ADAM11: variants seen among roughly 807,000 people sequenced by gnomAD.
The protein encoded by ADAM11 is ADAM metallopeptidase domain 11.
Under a neutral mutation model 119.1 loss-of-function variants are expected in ADAM11, and 49 were observed. That is an observed-to-expected ratio of 0.41 (90% CI 0.33 to 0.52). The LOEUF (loss-of-function observed/expected upper bound fraction) is 0.52, where lower values mean the gene tolerates loss of function less well. Among genes scored for constraint, ADAM11 ranks in the 20% least tolerant of loss-of-function variants. ADAM11 has a pLI of 0.20. For synonymous variants in ADAM11, 364 were observed against 408.0 expected, an observed-to-expected ratio of 0.89 and a Z score of 1.30; for missense variants, 777 against 1,047.5, an observed-to-expected ratio of 0.74 and a Z score of 3.56.
chr17:44,762,369 A>G (rs1293098785), intron 2 of ADAM11, among the ~76,000 whole-genome samples: 1 of 152,186 alleles, frequency 6.6e-6, no homozygotes, highest in East Asian at 1.9e-4. Context: ...GTAAGGAGAT[A>G]TGGCAAACCC....
intron 2 of ADAM11, among the ~76,000 whole-genome samples, chr17:44,768,638 G>A (rs958708462): frequency 3.9e-5 from 6 of 152,188 alleles, no homozygotes; most frequent in African/African-American, 1.2e-4. Context: ...ACCAGGGCCC[G>A]GCACACAAGA....
At chr17:44,767,447 C>T (rs559016671) in intron 2 of ADAM11, among the ~76,000 whole-genome samples, 1 of 152,252 alleles carries the variant, frequency 6.6e-6, no homozygotes, top group East Asian at 1.9e-4. Context: ...GTCCCCTCCC[C>T]ACTCCCCAGG....
At position 44,772,174 on chromosome 17, in the gene ADAM11, T is replaced by C; in HGVS notation, c.544-93T>C. ...TGGCCAGTTCTGGGTCACCCCAGGG[T>C]GGGGTGGAGGCGAGGGCTGGATCTG... On this transcript the variant is annotated intron_variant, in intron 6 of 26. Coordinates refer to ENST00000200557, the MANE Select transcript of ADAM11 (RefSeq NM_002390.6). The surrounding 1 kb of genome is among the most constrained non-coding windows in gnomAD (Gnocchi z 4.5). 8.1e-7 allele frequency: 1 copy of C among 1,227,190 alleles called. No individual in the cohort carries two copies. Among genetic ancestry groups the C allele is most frequent in the Admixed American group, 2.1e-5 (1 of 46,992 alleles). 76.0% of individuals were successfully genotyped at this position (1,227,190 alleles called of 1,614,324 possible).
rs554113785 is a variant in ADAM11, at chr17:44,780,236, G to A, written c.*482G>A. 2.3e-6 allele frequency: 1 copy of A among 442,376 alleles called. No individual in the cohort carries two copies. The highest frequency in any genetic ancestry group is 2.0e-5 in the African/African-American group (1 of 48,966). The allele number at this position is 442,376 out of a possible 1,614,324, so 27.4% of individuals were successfully genotyped here. A position where few individuals can be genotyped will look rare whatever the true frequency, so the allele number is the denominator to read the frequency against. On this transcript the variant is annotated 3_prime_UTR_variant, in exon 27 of 27. Coordinates refer to ENST00000200557, the MANE Select transcript of ADAM11 (RefSeq NM_002390.6). Reference sequence around the variant, plus strand: ...ATGAATGTAAACTCGGGGGTGCTGGGGCCAGGGCAGATGTGGGGATGTTTT... The same window carrying A: ...ATGAATGTAAACTCGGGGGTGCTGGAGCCAGGGCAGATGTGGGGATGTTTT...
Position 44,772,840 on chromosome 17 carries a change from G to GGGGGGGGGGGGGGGGC in ADAM11, c.679-17_679-16insGGGGGGGGGGGGGGGC. ...GACATGGAAGGGACTGATTCCAAGT[G>GGGGGGGGGGGGGGGGC]CCCACCCACCCCCCAGGTCCGCCGG... is the stretch of plus-strand genomic sequence containing the variant. On this transcript the variant is annotated splice_polypyrimidine_tract_variant and intron_variant, in intron 8 of 26. Transcript: ENST00000200557. This position sits in a 1 kb window ranked among gnomAD's most constrained non-coding sequence, Gnocchi z 4.5. The GGGGGGGGGGGGGGGGC allele has an allele frequency of 6.2e-7, 1 of 1,612,434 alleles. No homozygotes were observed. The highest frequency in any genetic ancestry group is 8.5e-7 in the Non-Finnish European group (1 of 1,178,978).
At position 44,769,970 on chromosome 17, in the gene ADAM11, C is replaced by T. The variant is rs756655426; in HGVS notation, c.315-12C>T. On this transcript the variant is annotated splice_polypyrimidine_tract_variant and intron_variant, in intron 3 of 26. Coordinates refer to ENST00000200557, the MANE Select transcript of ADAM11 (RefSeq NM_002390.6). ...CCCGTGACCCCCCTTCCTGCTGCCC[C>T]CTCTGTCTCAGCCACCTCCTCTCCT... 9 of 1,614,054 alleles carry T rather than the reference C, an allele frequency of 5.6e-6. No individual in the cohort carries two copies. In the South Asian group the frequency reaches 7.7e-5, roughly 14 times the overall value.
At chr17:44,763,604 T>C (rs1240834131) in intron 2 of ADAM11, among the ~76,000 whole-genome samples, 2 of 152,150 alleles carry the variant, frequency 1.3e-5, no homozygotes, top group Non-Finnish European at 1.5e-5. Context: ...CCGTGTCCAG[T>C]TGGGCTGGTT....
rs772992339 is a variant in ADAM11 at position 44,777,468 on chromosome 17, A to C, written c.1782-14A>C. ...GTCAAACTTGGGGCTCACTGTCTCT[A>C]TATGCCCCAACAGGGACGTGCTGTG... On this transcript the variant is annotated splice_polypyrimidine_tract_variant and intron_variant, in intron 21 of 26. Transcript: ENST00000200557. The surrounding 1 kb of genome is among the most constrained non-coding windows in gnomAD (Gnocchi z 5.1). 9.9e-6 allele frequency: 16 copies of C among 1,613,096 alleles called. No homozygotes were observed. The highest frequency in any genetic ancestry group is 1.4e-5 in the Non-Finnish European group (16 of 1,179,186).
rs913761154 is a variant in ADAM11, at chr17:44,779,648, A to G, written c.2295-91A>G. On this transcript the variant is annotated intron_variant, in intron 26 of 26. Transcript: ENST00000200557. ...AGCCTGTGACTTGCCGCCTGCCTCC[A>G]GGGCCCAGCACTGAGCTCCGGGGCC... 3.3e-6 allele frequency: 5 copies of G among 1,513,748 alleles called. No individual in the cohort carries two copies. In the Admixed American group the frequency reaches 7.3e-5, roughly 22 times the overall value. The allele number at this position is 1,513,748 out of a possible 1,614,324, so 93.8% of individuals were successfully genotyped here. A position where few individuals can be genotyped will look rare whatever the true frequency, so the allele number is the denominator to read the frequency against.
In ADAM11 at chr17:44,772,215, G is replaced by A; in HGVS notation, c.544-52G>A. 6.5e-7 allele frequency: 1 copy of A among 1,538,880 alleles called. No homozygotes were observed. Among genetic ancestry groups the A allele is most frequent in the East Asian group, 2.3e-5 (1 of 42,772 alleles). On this transcript the variant is annotated intron_variant, in intron 6 of 26. Transcript: ENST00000200557. The surrounding 1 kb of genome is among the most constrained non-coding windows in gnomAD (Gnocchi z 4.5). ...GCTGGATCTGGCCCCCGCCAAGTGG[G>A]CCTGGAGCAGGCCCAGTTGGCACCC...
intron 2 of ADAM11, among the ~76,000 whole-genome samples, chr17:44,761,012 G>A (rs1207027219): frequency 1.9e-5 from 2 of 103,408 alleles, no homozygotes; most frequent in Non-Finnish European, 3.8e-5. Flanking sequence ...ATGGTCCAAG[G>A]CCCGCAGTCA....
In ADAM11 at chr17:44,780,431, C is replaced by G. The variant is rs1030553904; in HGVS notation, c.*677C>G. 1 of 314,940 alleles carries G rather than the reference C, an allele frequency of 3.2e-6. No individual in the cohort carries two copies. The highest frequency in any genetic ancestry group is 2.2e-5 in the African/African-American group (1 of 44,656). The allele number at this position is 314,940 out of a possible 1,614,324, so 19.5% of individuals were successfully genotyped here. A position where few individuals can be genotyped will look rare whatever the true frequency, so the allele number is the denominator to read the frequency against. On this transcript the variant is annotated 3_prime_UTR_variant, in exon 27 of 27. Transcript: ENST00000200557. ...GAGGAAGTATGAGTGCTGATTCAAA[C>G]CAAAGCTGCCTGTGCCATGCCCAAG...
chr17:44,759,498 G>C (rs2049362563), intron 1 of ADAM11: 2 of 1,243,794 alleles, frequency 1.6e-6, no homozygotes, highest in Admixed American at 4.2e-5. Context: ...GTCTCTGCGG[G>C]TTTGGGCGGA....
At chr17:44,761,238 G>A (rs2049385789) in intron 2 of ADAM11, among the ~76,000 whole-genome samples, 1 of 152,150 alleles carries the variant, frequency 6.6e-6, no homozygotes, top group South Asian at 2.1e-4. Flanking sequence ...ATGCTTTAAG[G>A]GATGTGCAGA....
At chr17:44,765,581 CA>C (rs1208408360) in intron 2 of ADAM11, among the ~76,000 whole-genome samples, 1 of 149,914 alleles carries the variant, frequency 6.7e-6, no homozygotes, top group Non-Finnish European at 1.5e-5. Flanking sequence ...TTAATCCTCA[CA>C]GCAATCCTGG....
intron 2 of ADAM11, among the ~76,000 whole-genome samples, chr17:44,761,651 C>T (rs2049390713): frequency 6.6e-6 from 1 of 152,062 alleles, no homozygotes; most frequent in African/African-American, 2.4e-5. Flanking sequence ...CTGAGACTTC[C>T]TAGGGCCCTC....
chr17:44,769,794 A>G lies in ADAM11; in HGVS notation c.314A>G (p.His105Arg), dbSNP rs1335801358. ...SNFTLDLELN[H>R]HLLSSQYVER... is the part of the protein sequence containing the mutation. Reference sequence around the variant, plus strand: ...TTCACCCTGGACCTGGAGCTGAACCAGTGAGTGTGGCCTTGAGCCCAAGAG... The same window carrying G: ...TTCACCCTGGACCTGGAGCTGAACCGGTGAGTGTGGCCTTGAGCCCAAGAG... Residue 105 changes from histidine to arginine, a missense_variant and splice_region_variant, in exon 3 of 27, where the codon CAC becomes CGC. By Grantham distance (29) the His-to-Arg change is conservative. This residue lies in a region of ADAM11 where 278 missense variants were observed against 310.1 expected (regional missense o/e 0.90). Coordinates refer to ENST00000200557, the MANE Select transcript of ADAM11 (RefSeq NM_002390.6). 6.2e-7 allele frequency: 1 copy of G among 1,613,858 alleles called. No individual in the cohort carries two copies. The highest frequency in any genetic ancestry group is 2.2e-5 in the East Asian group (1 of 44,864).
rs2049358543 is a variant in ADAM11 at position 44,759,216 on chromosome 17, G to T, written c.17G>T (p.Arg6Leu). The T allele has an allele frequency of 9.0e-6, 13 of 1,436,982 alleles. No homozygotes were observed. The highest frequency in any genetic ancestry group is 1.0e-5 in the Non-Finnish European group (11 of 1,096,712). The allele number at this position is 1,436,982 out of a possible 1,614,324, so 89.0% of individuals were successfully genotyped here. The change falls in exon 1 of 27, where the codon CGC becomes CTC. Residue 6 changes from arginine to leucine, a missense_variant. By Grantham distance (102) the Arg-to-Leu change is moderately radical. This residue lies in a region of ADAM11 where 278 missense variants were observed against 310.1 expected (regional missense o/e 0.90). Coordinates refer to ENST00000200557, the MANE Select transcript of ADAM11 (RefSeq NM_002390.6). ...GAGCGAGCCATGAGGCTGCTGCGGCGCTGGGCGTTCGCGGCTCTGCTGCTG... is the reference window on the plus strand; with the variant it reads ...GAGCGAGCCATGAGGCTGCTGCGGCTCTGGGCGTTCGCGGCTCTGCTGCTG... Reference protein sequence around the residue: MRLLRRWAFAALLLSL... With the variant: MRLLRLWAFAALLLSL...
intron 6 of ADAM11, 87 bp downstream of exon 6, chr17:44,771,918 C>G (rs888144369): frequency 6.9e-7 from 1 of 1,452,528 alleles, no homozygotes; most frequent in African/African-American, 1.4e-5. Flanking sequence ...CTTCCTCCTC[C>G]GGCTCCTCCC....
Sources: gnomAD v4.1 joint callset for allele counts (sites outside exome capture counted in the v4.1 genomes callset) on GRCh38, gnomAD v4.1.1 for gene constraint, gnomAD v4.1.1 regional missense constraint, Gnocchi (gnomAD v3.1) non-coding constraint, MANE v1.5 for transcripts, NCBI Gene and HGNC (gene_info 2026-07-23, HGNC 2026-07-21) for gene names.